The following BBS9 variants were observed in gnomAD, a reference collection of about 807,000 sequenced individuals.
BBS9 encodes the protein protein PTHB1.
BBS9 carries 89 observed loss-of-function variants against 117.7 expected under a neutral mutation model. The observed-to-expected ratio is 0.76, with a 90% CI of 0.64 to 0.90. The LOEUF (loss-of-function observed/expected upper bound fraction) is 0.90, where lower values mean the gene tolerates loss of function less well. Ranked by LOEUF, BBS9 falls within the 40% of genes least tolerant of loss-of-function variation. The probability of loss-of-function intolerance (pLI) is 0.00; values close to 1 mark genes in which losing one functional copy is unlikely to be tolerated. For missense variants in BBS9, 982 were observed against 1,042.2 expected, an observed-to-expected ratio of 0.94 and a Z score of 0.80; for synonymous variants, 379 against 370.9, an observed-to-expected ratio of 1.02 and a Z score of -0.25.
intron 9 of BBS9, among the ~76,000 whole-genome samples, chr7:33,307,608 T>G (rs1342937120): frequency 1.3e-5 from 2 of 152,182 alleles, no homozygotes; most frequent in African/African-American, 4.8e-5. Context: ...GCATAGTGTT[T>G]GCTTATAACC....
intron 20 of BBS9, among the ~76,000 whole-genome samples, chr7:33,511,936 T>G (rs1036199418): frequency 2.0e-5 from 3 of 152,198 alleles, no homozygotes; most frequent in African/African-American, 7.2e-5. Flanking sequence ...ATTAATGACC[T>G]CTTCTTAAAA....
At chr7:33,389,782 A>G (rs1826732704) in intron 19 of BBS9, among the ~76,000 whole-genome samples, 1 of 152,012 alleles carries the variant, frequency 6.6e-6, no homozygotes, top group Non-Finnish European at 1.5e-5. Flanking sequence ...AATATTGGAA[A>G]GAACACTGGG....
At chr7:33,384,459 T>A (rs1825653413) in intron 18 of BBS9, among the ~76,000 whole-genome samples, 1 of 152,194 alleles carries the variant, frequency 6.6e-6, no homozygotes, top group African/African-American at 2.4e-5. Flanking sequence ...TCTTCATCTT[T>A]TGAAGATTGA....
chr7:33,573,978 G>A (rs1451998032), intron 21 of BBS9, among the ~76,000 whole-genome samples: 1 of 152,092 alleles, frequency 6.6e-6, no homozygotes, highest in Admixed American at 6.6e-5. Flanking sequence ...TGGTTCACTG[G>A]TAGAATATTT....
intron 5 of BBS9, among the ~76,000 whole-genome samples, chr7:33,229,545 ATGT>A (rs1791931632): frequency 1.3e-5 from 2 of 152,194 alleles, no homozygotes; most frequent in South Asian, 2.1e-4. Context: ...ATGTTGATCC[ATGT>A]TGTGGCAAAT....
chr7:33,556,068 G>C (rs1299235528), intron 21 of BBS9, among the ~76,000 whole-genome samples: 1 of 152,164 alleles, frequency 6.6e-6, no homozygotes, highest in Non-Finnish European at 1.5e-5. Flanking sequence ...ATGTTATGAA[G>C]TAGTACGTAT....
intron 20 of BBS9, 28 bp from the exon 21 acceptor site, chr7:33,533,926 T>C: frequency 5.0e-6 from 8 of 1,611,362 alleles, no homozygotes; most frequent in Non-Finnish European, 5.9e-6. Context: ...CATCTTTGTA[T>C]TAATTCAAAA....
chr7:33,484,856 C>T (rs936440183), intron 19 of BBS9, among the ~76,000 whole-genome samples: 2 of 152,116 alleles, frequency 1.3e-5, no homozygotes, highest in Non-Finnish European at 2.9e-5. Flanking sequence ...ATATTCATTG[C>T]AGCACTATTC....
In BBS9 at chr7:33,383,810, A is replaced by G. The variant is rs1472827261; in HGVS notation, c.1934A>G (p.Tyr645Cys). Reference sequence around the variant, plus strand: ...TCGGGATCTATACCCCTTCAAGAATATTTTGAGTTGATTGATCATCATTTT... The same window carrying G: ...TCGGGATCTATACCCCTTCAAGAATGTTTTGAGTTGATTGATCATCATTTT... ...SFSGSIPLQEYFELIDHHFEL... is the reference protein window; with the variant it reads ...SFSGSIPLQECFELIDHHFEL... The change falls in exon 18 of 23, where the codon TAT (tyrosine) becomes TGT (cysteine). Residue 645 changes from tyrosine to cysteine, a missense_variant. Coordinates refer to ENST00000242067, the MANE Select transcript of BBS9 (RefSeq NM_198428.3). 6.2e-7 allele frequency: 1 copy of G among 1,612,332 alleles called. No homozygotes were observed. Among genetic ancestry groups the G allele is most frequent in the Non-Finnish European group, 8.5e-7 (1 of 1,179,900 alleles).
intron 19 of BBS9, among the ~76,000 whole-genome samples, chr7:33,437,347 G>A (rs1405020589): frequency 1.3e-5 from 2 of 152,152 alleles, no homozygotes; most frequent in Non-Finnish European, 2.9e-5. Context: ...CGACCTGAGA[G>A]TGATCATCAA....
chr7:33,274,647 A>C lies in BBS9; in HGVS notation c.1016+691A>C, dbSNP rs190012269. Among the ~76,000 whole-genome samples the C allele has an allele frequency of 2.0e-3, 312 of 152,324 alleles. 2 individuals are homozygous for C. Among genetic ancestry groups the C allele is most frequent in the South Asian group, 3.5e-3 (17 of 4,832 alleles). ...AATACAACTTTCCATAAAGCTTCAT[A>C]GATTCTCAGATGTATTCAGTTCTAC... On this transcript the variant is annotated intron_variant, in intron 9 of 22. Transcript: ENST00000242067.
rs1851012992 is a variant in BBS9 at position 33,534,147 on chromosome 7, C to T, written c.2492C>T (p.Ala831Val). Residue 831 changes from alanine (A) to valine (V), a missense_variant, in exon 21 of 23, where the codon GCA (alanine) becomes GTA (valine). Physicochemically the swap from Ala to Val is moderately conservative, Grantham distance 64. Coordinates refer to ENST00000242067, the MANE Select transcript of BBS9 (RefSeq NM_198428.3). ...GGCCGTCTCTGCCTAAGTACCGATG[C>T]AGCAGCCCCACAGACCATGGTCATG... ...KGGRLCLSTD[A>V]AAPQTMVMPG... The T allele has an allele frequency of 6.2e-7, 1 of 1,614,212 alleles. No individual in the cohort carries two copies. Among genetic ancestry groups the T allele is most frequent in the Non-Finnish European group, 8.5e-7 (1 of 1,180,038 alleles).
At chr7:33,505,323 ATTAC>A (rs1467380164) in intron 19 of BBS9, 136 bp from the exon 20 acceptor site, 26 of 858,848 alleles carry the variant, frequency 3.0e-5, no homozygotes, top group Non-Finnish European at 4.7e-5. Context: ...TAACTCTTTT[ATTAC>A]TTAACATAGC....
chr7:33,434,645 C>A (rs546647147), intron 19 of BBS9, among the ~76,000 whole-genome samples: 14 of 152,122 alleles, frequency 9.2e-5, no homozygotes, highest in African/African-American at 3.4e-4. Context: ...TAACTGAGAT[C>A]TCATTGTGTT....
intron 21 of BBS9, among the ~76,000 whole-genome samples, chr7:33,555,837 C>G (rs1429954586): frequency 6.6e-6 from 1 of 152,014 alleles, no homozygotes; most frequent in Non-Finnish European, 1.5e-5. Flanking sequence ...AATATTCTAC[C>G]CTTTGATAAT....
chr7:33,279,800 C>G (rs1801471416), intron 9 of BBS9, among the ~76,000 whole-genome samples: 1 of 152,056 alleles, frequency 6.6e-6, no homozygotes, highest in Non-Finnish European at 1.5e-5. Flanking sequence ...AAAATGAAAT[C>G]AATACACAGG....
At chr7:33,353,455 G>C (rs1211218462) in intron 15 of BBS9, among the ~76,000 whole-genome samples, 1 of 152,030 alleles carries the variant, frequency 6.6e-6, no homozygotes, top group East Asian at 1.9e-4. Context: ...CTATGATTCT[G>C]ATCACAATAT....
intron 5 of BBS9, among the ~76,000 whole-genome samples, chr7:33,223,524 T>C (rs2128242479): frequency 6.6e-6 from 1 of 152,346 alleles, no homozygotes; most frequent in South Asian, 2.1e-4. Context: ...TCATTCAGGA[T>C]TGAATTCATG....
chr7:33,453,718 C>T (rs1838233124), intron 19 of BBS9, among the ~76,000 whole-genome samples: 1 of 152,086 alleles, frequency 6.6e-6, no homozygotes, highest in Non-Finnish European at 1.5e-5. Context: ...CAGGGTTTCA[C>T]CATGTTGGCC....
Sources: gnomAD v4.1 joint callset for allele counts (sites outside exome capture counted in the v4.1 genomes callset) on GRCh38, gnomAD v4.1.1 for gene constraint, MANE v1.5 for transcripts, NCBI Gene and HGNC (gene_info 2026-07-23, HGNC 2026-07-21) for gene names.